SLC17A3: variants seen among roughly 807,000 people sequenced by gnomAD.
SLC17A3 encodes the protein sodium-dependent phosphate transport protein 4.
A neutral mutation model predicts 60.3 loss-of-function variants in SLC17A3; 61 were observed. The observed-to-expected ratio is 1.01, with a 90% CI of 0.82 to 1.25. The LOEUF (loss-of-function observed/expected upper bound fraction) is 1.25, where lower values mean the gene tolerates loss of function less well. Among genes scored for constraint, SLC17A3 ranks in the 50% most tolerant of loss-of-function variants. The pLI is 0.00. For missense variants in SLC17A3, 624 were observed against 594.9 expected (o/e 1.05, Z -0.51); for synonymous variants, 192 against 208.9 (o/e 0.92, Z 0.70).
chr6:25,856,413 T>A (rs1765356975), intron 5 of SLC17A3, among the ~76,000 whole-genome samples: 1 of 152,158 alleles, frequency 6.6e-6, no homozygotes, highest in African/African-American at 2.4e-5. Context: ...CTTAAAAAAA[T>A]TCTTTATAGA....
chr6:25,854,482 G>C (rs1432991224), intron 6 of SLC17A3, among the ~76,000 whole-genome samples: 1 of 152,050 alleles, frequency 6.6e-6, no homozygotes, highest in Admixed American at 6.6e-5. Context: ...ACTCTGTACA[G>C]TCCCAAGAAC....
chr6:25,861,265 G>T (rs923330838), intron 5 of SLC17A3, among the ~76,000 whole-genome samples: 1 of 151,682 alleles, frequency 6.6e-6, no homozygotes, highest in Admixed American at 6.6e-5. Context: ...CAAATGTCAG[G>T]AATTAATATA....
chr6:25,864,485 C>T (rs1039918929), intron 2 of SLC17A3, among the ~76,000 whole-genome samples: 3 of 151,840 alleles, frequency 2.0e-5, no homozygotes, highest in Admixed American at 6.6e-5. Context: ...TGGTCAGACC[C>T]CAGATAAATC....
At chr6:25,863,048 T>A (rs1205664757) in intron 2 of SLC17A3, among the ~76,000 whole-genome samples, 1 of 151,832 alleles carries the variant, frequency 6.6e-6, no homozygotes, top group Non-Finnish European at 1.5e-5. Context: ...TTCACTCAAG[T>A]GAAAAATAGT....
At position 25,849,420 on chromosome 6, in the gene SLC17A3, A is replaced by G. The variant is rs768227844; in HGVS notation, c.1316T>C (p.Ile439Thr). The change falls in exon 11 of 13, where the codon ATA becomes ACA. Residue 439 changes from isoleucine to threonine, a missense_variant. Ile to Thr is a moderately conservative substitution (Grantham distance 89). Transcript: ENST00000397060. ...LMGASRGFSS[I>T]APVIVPTVSG... ...GACAGTGGGTACAATGACAGGTGCT[A>G]TGCTCGAAAATCCTCTTGATGCTCC... 40 of 1,613,024 alleles carry G rather than the reference A, an allele frequency of 2.5e-5. No homozygotes were observed. The Admixed American group carries it at 5.3e-4, about 22-fold the overall frequency.
At chr6:25,859,807 A>G (rs1383531014) in intron 5 of SLC17A3, among the ~76,000 whole-genome samples, 2 of 152,170 alleles carry the variant, frequency 1.3e-5, no homozygotes, top group Non-Finnish European at 2.9e-5. Context: ...GATTCAGGTC[A>G]TGCGATCCTT....
intron 11 of SLC17A3, among the ~76,000 whole-genome samples, chr6:25,846,905 C>G (rs1015479763): frequency 1.3e-5 from 2 of 152,180 alleles, no homozygotes; most frequent in East Asian, 3.8e-4. Context: ...CCCACCGCAC[C>G]TGGCCGGAAA....
intron 1 of SLC17A3, among the ~76,000 whole-genome samples, chr6:25,869,382 C>G (rs1006871755): frequency 2.0e-5 from 3 of 152,016 alleles, no homozygotes; most frequent in Admixed American, 6.6e-5. Context: ...TCCTCTTAAA[C>G]GTCTAAGCAC....
Position 25,874,189 on chromosome 6 carries a change from CT to C in SLC17A3, c.-57del, listed in dbSNP as rs752537341. ...TACCGACTTAATGTCTGTGGAAGGG[CT>C]TCAAGTTGAACCCAGCGTTTCCTCC... On this transcript the variant is annotated 5_prime_UTR_variant, in exon 1 of 13. Transcript: ENST00000397060. The C allele has an allele frequency of 3.9e-5, 6 of 152,102 alleles. No homozygotes were observed. Among genetic ancestry groups the C allele is most frequent in the Non-Finnish European group, 5.9e-5 (4 of 68,008 alleles). 9.4% of individuals were successfully genotyped at this position (152,102 alleles called of 1,614,324 possible). A position where few individuals can be genotyped will look rare whatever the true frequency, so the allele number is the denominator to read the frequency against.
At position 25,855,198 on chromosome 6, in the gene SLC17A3, T is replaced by A; in HGVS notation, c.658A>T (p.Ile220Leu). The A allele has an allele frequency of 1.9e-6, 3 of 1,613,726 alleles. No individual in the cohort carries two copies. The African/African-American group carries it at 4.0e-5, about 22-fold the overall frequency. Reference sequence around the variant, plus strand: ...AGGGTTTCACTAATGAAGCCACCTATGAGGATGGCAGTAAAGCATCCCAGT... The same window carrying A: ...AGGGTTTCACTAATGAAGCCACCTAAGAGGATGGCAGTAAAGCATCCCAGT... ...MLLGCFTAIL[I>L]GGFISETLGW... The change falls in exon 6 of 13, where the codon ATA (isoleucine) becomes TTA (leucine). Residue 220 changes from isoleucine (I) to leucine (L), a missense_variant. Physicochemically the swap from Ile to Leu is conservative, Grantham distance 5 (BLOSUM62 2). Coordinates refer to ENST00000397060, the MANE Select transcript of SLC17A3 (RefSeq NM_001098486.2).
At chr6:25,852,476 G>A (rs927168467) in intron 6 of SLC17A3, among the ~76,000 whole-genome samples, 5 of 151,940 alleles carry the variant, frequency 3.3e-5, no homozygotes, top group African/African-American at 1.2e-4. Flanking sequence ...TCTGTTTTGG[G>A]CACTCCACAA....
chr6:25,872,605 T>C (rs754825662), intron 1 of SLC17A3, among the ~76,000 whole-genome samples: 1 of 149,070 alleles, frequency 6.7e-6, no homozygotes, highest in Non-Finnish European at 1.5e-5. Flanking sequence ...TTTATATATA[T>C]AATGAATGCT....
chr6:25,864,016 A>G (rs1182666402), intron 2 of SLC17A3, among the ~76,000 whole-genome samples: 1 of 152,112 alleles, frequency 6.6e-6, no homozygotes, highest in Admixed American at 6.6e-5. Flanking sequence ...TAAATGCTGT[A>G]GAGAAAATAA....
intron 2 of SLC17A3, 94 bp from the exon 3 acceptor site, chr6:25,862,538 A>G: frequency 4.0e-6 from 4 of 1,000,230 alleles, no homozygotes; most frequent in Admixed American, 3.5e-5. Flanking sequence ...TGATCACTTA[A>G]CGATTTAAAT....
intron 5 of SLC17A3, among the ~76,000 whole-genome samples, chr6:25,859,547 T>C (rs1287253353): frequency 6.6e-6 from 1 of 152,222 alleles, no homozygotes; most frequent in Non-Finnish European, 1.5e-5. Context: ...CCATTCTGTC[T>C]CCATGTGCTC....
intron 6 of SLC17A3, among the ~76,000 whole-genome samples, chr6:25,851,310 T>G (rs1765273378): frequency 6.6e-6 from 1 of 152,022 alleles, no homozygotes; most frequent in Non-Finnish European, 1.5e-5. Context: ...TAAAAATCCT[T>G]ATTATACATG....
chr6:25,847,502 C>T (rs1165192), intron 11 of SLC17A3, among the ~76,000 whole-genome samples: 98,317 of 151,968 alleles, frequency 0.65, 33,622 homozygotes, highest in African/African-American at 0.87. Context: ...CTTTCCACAA[C>T]GGTTGAACTA....
chr6:25,864,107 G>A (rs969348122), intron 2 of SLC17A3, among the ~76,000 whole-genome samples: 1 of 151,952 alleles, frequency 6.6e-6, no homozygotes, highest in African/African-American at 2.4e-5. Context: ...ACAAGTAGAG[G>A]GAACACCCCT....
chr6:25,861,807 C>T lies in SLC17A3; in HGVS notation c.526G>A (p.Gly176Ser). 1.9e-6 allele frequency: 3 copies of T among 1,613,404 alleles called. No individual in the cohort carries two copies. The highest frequency in any genetic ancestry group is 2.5e-6 in the Non-Finnish European group (3 of 1,179,496). The change falls in exon 4 of 13, where the codon GGC (glycine) becomes AGC (serine). Residue 176 changes from glycine to serine, a missense_variant. Coordinates refer to ENST00000397060, the MANE Select transcript of SLC17A3 (RefSeq NM_001098486.2). ...VLLIVTRIVQ[G>S]LSQSSILGGQ... ...AAAATATTGGGTACCTGGCTTAGGC[C>T]CTGGACTATTCGAGTTACAATGAGC...
Sources: allele counts gnomAD v4.1 joint callset (sites outside exome capture counted in the v4.1 genomes callset), GRCh38; gene constraint gnomAD v4.1.1; transcripts MANE v1.5; gene names NCBI Gene and HGNC (gene_info 2026-07-23, HGNC 2026-07-21).